Variants in TRIM28 observed in about 807,000 individuals in gnomAD.
The protein encoded by TRIM28 is tripartite motif containing 28.
Under a neutral mutation model 87.4 loss-of-function variants are expected in TRIM28, and 8 were observed. That is an observed-to-expected ratio of 0.09 (90% CI 0.05 to 0.17). The LOEUF is 0.17. TRIM28 is among the 10% of genes least tolerant of loss of function. The pLI, the probability that TRIM28 is intolerant of heterozygous loss-of-function variation, is 1.00. For missense variants in TRIM28, 968 were observed against 1,131.8 expected, an observed-to-expected ratio of 0.86 and a Z score of 2.08; for synonymous variants, 601 against 454.3, an observed-to-expected ratio of 1.32 and a Z score of -4.11.
rs184367010 is a variant in TRIM28, at chr19:58,548,848, C to T, written c.1361-14C>T. The T allele has an allele frequency of 3.7e-6, 6 of 1,614,082 alleles. No homozygotes were observed. The highest frequency in any genetic ancestry group is 1.3e-5 in the African/African-American group (1 of 75,024). ...CTACCCCAACCTGCCAGTCTTCTTT[C>T]TCCATTTTCTAAGGAGATGATCCCT... On this transcript the variant is annotated splice_polypyrimidine_tract_variant and intron_variant, in intron 10 of 16. Coordinates refer to ENST00000253024, the MANE Select transcript of TRIM28 (RefSeq NM_005762.3).
In TRIM28 at chr19:58,550,330, GGAAA is replaced by G. The variant is rs1568663585; in HGVS notation, c.2332-43_2332-40del. On this transcript the variant is annotated intron_variant, in intron 16 of 16. Transcript: ENST00000253024. The stretch of plus-strand genomic sequence containing the variant: ...GGCTGTGGGCAGGGGGAGATGTGAA[GGAAA>G]GAACTAGGACCCATTCATCCACTGC... 3.1e-6 allele frequency: 5 copies of G among 1,613,288 alleles called. No homozygotes were observed. The South Asian group carries it at 5.5e-5, about 18-fold the overall frequency.
chr19:58,545,285 T>G (rs752354430), intron 1 of TRIM28, 140 bp from the exon 2 acceptor site: 2 of 908,818 alleles, frequency 2.2e-6, no homozygotes, highest in Non-Finnish European at 3.4e-6. Flanking sequence ...CTGACTAAAG[T>G]TGGAGAAAAG....
At chr19:58,545,347 C>T in intron 1 of TRIM28, 78 bp from the exon 2 acceptor site, 1 of 1,209,826 alleles carries the variant, frequency 8.3e-7, no homozygotes, top group Non-Finnish European at 1.2e-6. Context: ...GGTCGGGGGC[C>T]CACCCAGCAG....
In TRIM28 at chr19:58,545,067, G is replaced by A; in HGVS notation, c.310G>A (p.Gly104Arg). ...GGCCCCCGCCGCCGCCAACAGCTCG[G>A]GGGACGGCGGGGCGGCGGGCGACGG... ...PAAPAAANSSGDGGAAGDGTV... is the reference protein window; with the variant it reads ...PAAPAAANSSRDGGAAGDGTV... Residue 104 changes from glycine (G) to arginine (R), a missense_variant, in exon 1 of 17, where the codon GGG (glycine) becomes AGG (arginine). Physicochemically the swap from Gly to Arg is moderately radical, Grantham distance 125. Transcript: ENST00000253024. The A allele has an allele frequency of 6.9e-7, 1 of 1,445,926 alleles. No individual in the cohort carries two copies. The highest frequency in any genetic ancestry group is 1.4e-5 in the South Asian group (1 of 70,626). The allele number at this position is 1,445,926 out of a possible 1,614,324, so 89.6% of individuals were successfully genotyped here.
rs763622570 is a variant in TRIM28 at position 58,550,023 on chromosome 19, C to T, written c.2181C>T (p.Ser727=). ...CCCTGCATCAGCTGGCTACCGACTC[C>T]ACCTTCTCCCTGGTGAGTCCTAGGA... is the stretch of plus-strand genomic sequence containing the variant. ...CRPLHQLATD[S]TFSLDQPGGT... is the part of the protein sequence containing the mutation. Residue 727 remains serine (S), a synonymous_variant, in exon 15 of 17, where the codon TCC becomes TCT. Transcript: ENST00000253024. 7.4e-6 allele frequency: 12 copies of T among 1,613,992 alleles called. No individual in the cohort carries two copies. Among genetic ancestry groups the T allele is most frequent in the Middle Eastern group, 1.6e-4 (1 of 6,084 alleles).
Position 58,547,437 on chromosome 19 carries a change from C to G in TRIM28, c.648C>G (p.Pro216=). The change falls in exon 4 of 17, where the codon CCC becomes CCG. Residue 216 remains proline (P), a synonymous_variant. Transcript: ENST00000253024. ...TVYCNVHKHE[P]LVLFCESCDT... ...ATTGCAACGTACACAAGCATGAACCCCTTGTGCTGTTTTGTGAGAGCTGTG... is the reference window on the plus strand; with the variant it reads ...ATTGCAACGTACACAAGCATGAACCGCTTGTGCTGTTTTGTGAGAGCTGTG... 6.2e-7 allele frequency: 1 copy of G among 1,614,044 alleles called. No homozygotes were observed. Among genetic ancestry groups the G allele is most frequent in the South Asian group, 1.1e-5 (1 of 91,078 alleles).
chr19:58,545,507 G>A lies in TRIM28; in HGVS notation c.423G>A (p.Lys141=). Reference sequence around the variant, plus strand: ...ATTTCATGCGTGATAGTGGCAGCAAGGCTGCCACCGACGCCCAGGATGCGA... The same window carrying A: ...ATTTCATGCGTGATAGTGGCAGCAAAGCTGCCACCGACGCCCAGGATGCGA... ...ENYFMRDSGS[K]AATDAQDANQ... The change falls in exon 2 of 17, where the codon AAG becomes AAA. Residue 141 remains lysine, a synonymous_variant. Coordinates refer to ENST00000253024, the MANE Select transcript of TRIM28 (RefSeq NM_005762.3). 6.2e-7 allele frequency: 1 copy of A among 1,611,208 alleles called. No individual in the cohort carries two copies. The highest frequency in any genetic ancestry group is 8.5e-7 in the Non-Finnish European group (1 of 1,178,594).
At chr19:58,548,010 A>T (rs1417180478) in intron 6 of TRIM28, 24 bp from the exon 7 acceptor site, 1 of 1,613,652 alleles carries the variant, frequency 6.2e-7, no homozygotes, top group Admixed American at 1.7e-5. Flanking sequence ...TTCTCTGCTT[A>T]CCTCATACAC....
Position 58,550,421 on chromosome 19 carries a change from C to T in TRIM28, c.2376C>T (p.Phe792=), listed in dbSNP as rs116364142. ...VQSIIGLQRF[F]ETRMNEAFGD... ...CCATCATCGGCCTGCAGCGCTTCTT[C>T]GAGACGCGCATGAACGAGGCCTTCG... The change falls in exon 17 of 17, where the codon TTC becomes TTT. Residue 792 remains phenylalanine, a synonymous_variant. Transcript: ENST00000253024. 3.0e-5 allele frequency: 49 copies of T among 1,613,952 alleles called. No individual in the cohort carries two copies. In the South Asian group the frequency reaches 3.5e-4, roughly 12 times the overall value.
chr19:58,550,297 A>G lies in TRIM28; in HGVS notation c.2331+13A>G, dbSNP rs906745936. The G allele has an allele frequency of 1.9e-6, 3 of 1,613,934 alleles. No individual in the cohort carries two copies. The African/African-American group carries it at 4.0e-5, about 22-fold the overall frequency. On this transcript the variant is annotated intron_variant, in intron 16 of 16. Coordinates refer to ENST00000253024, the MANE Select transcript of TRIM28 (RefSeq NM_005762.3). ...CAAGTTAACTGAGGTGAGCCAGTGG[A>G]ATGGAGAGGCTGTGGGCAGGGGGAG...
rs141340061 is a variant in TRIM28 at position 58,547,597 on chromosome 19, G to A, written c.723G>A (p.Gln241=). The change falls in exon 5 of 17, where the codon CAG becomes CAA. Residue 241 remains glutamine (Q), a splice_region_variant and synonymous_variant. Transcript: ENST00000253024. The part of the protein sequence containing the change: ...DCQLNAHKDH[Q]YQFLEDAVRN... ...CAGGAACACATCTGTCTGCTCTCAG[G>A]TACCAGTTCTTAGAGGATGCAGTGA... is the stretch of plus-strand genomic sequence containing the variant. 155 of 1,613,954 alleles carry A rather than the reference G, an allele frequency of 9.6e-5. No homozygotes were observed. In the African/African-American group the frequency reaches 1.7e-3, roughly 18 times the overall value.
chr19:58,549,019 C>T lies in TRIM28; in HGVS notation c.1441C>T (p.Leu481Phe). 1.2e-6 allele frequency: 2 copies of T among 1,614,084 alleles called. No homozygotes were observed. Among genetic ancestry groups the T allele is most frequent in the Non-Finnish European group, 1.7e-6 (2 of 1,179,996 alleles). The stretch of plus-strand genomic sequence containing the variant: ...CTCAGGTGAGGGCGAGGTGAGCGGC[C>T]TTATGCGCAAGGTGCCACGAGTGAG... ...SRSGEGEVSG[L>F]MRKVPRVSLE... Residue 481 changes from leucine (L) to phenylalanine (F), a missense_variant, in exon 12 of 17, where the codon CTT becomes TTT. By Grantham distance (22) the Leu-to-Phe change is conservative. Coordinates refer to ENST00000253024, the MANE Select transcript of TRIM28 (RefSeq NM_005762.3). This position sits in a 1 kb window ranked among gnomAD's most constrained non-coding sequence, Gnocchi z 4.4.
In TRIM28 at chr19:58,544,889, C is replaced by T; in HGVS notation, c.132C>T (p.Ala44=). 1 of 1,371,898 alleles carries T rather than the reference C, an allele frequency of 7.3e-7. No individual in the cohort carries two copies. The highest frequency in any genetic ancestry group is 9.3e-7 in the Non-Finnish European group (1 of 1,070,738). The allele number at this position is 1,371,898 out of a possible 1,614,324, so 85.0% of individuals were successfully genotyped here. A position where few individuals can be genotyped will look rare whatever the true frequency, so the allele number is the denominator to read the frequency against. Residue 44 remains alanine, a synonymous_variant, in exon 1 of 17, where the codon GCC becomes GCT. Transcript: ENST00000253024. ...CTTCGGCCGCAGCCTCGGCCTCTGC[C>T]TCAGCCGCGGCGTCGTCGCCCGCGG... ...TAPSAAASAS[A]SAAASSPAGG...
chr19:58,544,775 G>GGCAGCCTCGGCA lies in TRIM28; in HGVS notation c.24_35dup (p.Ser9_Ala12dup), dbSNP rs1298672984. 1.7e-6 allele frequency: 2 copies of GGCAGCCTCGGCA among 1,156,274 alleles called. No individual in the cohort carries two copies. The highest frequency in any genetic ancestry group is 2.1e-6 in the Non-Finnish European group (2 of 940,838). The allele number at this position is 1,156,274 out of a possible 1,614,324, so 71.6% of individuals were successfully genotyped here. Reference sequence around the variant, plus strand: ...GCGTGTGAATGGCGGCCTCCGCGGCGGCAGCCTCGGCAGCAGCGGCCTCGG... The same window carrying GGCAGCCTCGGCA: ...GCGTGTGAATGGCGGCCTCCGCGGCGGCAGCCTCGGCAGCAGCCTCGGCAGCAGCGGCCTCGG... On this transcript the variant is annotated inframe_insertion, in exon 1 of 17. Coordinates refer to ENST00000253024, the MANE Select transcript of TRIM28 (RefSeq NM_005762.3).
rs1282834806 is a variant in TRIM28, at chr19:58,544,955, C to G, written c.198C>G (p.Gly66=). Residue 66 remains glycine, a synonymous_variant, in exon 1 of 17, where the codon GGC becomes GGG. Transcript: ENST00000253024. ...CGCTGGAGCTGCTGGAGCACTGCGG[C>G]GTGTGCAGAGAGCGCCTGCGACCCG... ...AEALELLEHC[G]VCRERLRPER... 10 of 1,501,902 alleles carry G rather than the reference C, an allele frequency of 6.7e-6. No individual in the cohort carries two copies. The Admixed American group carries it at 9.2e-5, about 14-fold the overall frequency. 93.0% of individuals were successfully genotyped at this position (1,501,902 alleles called of 1,614,324 possible).
rs575792912 is a variant in TRIM28, at chr19:58,544,648, C to CGCGGCG, written c.-98_-93dup. 6.8e-5 allele frequency: 25 copies of CGCGGCG among 368,116 alleles called. No individual in the cohort carries two copies. Among genetic ancestry groups the CGCGGCG allele is most frequent in the Admixed American group, 2.0e-4 (3 of 14,992 alleles). 22.8% of individuals were successfully genotyped at this position (368,116 alleles called of 1,614,324 possible). ...GGAGGCGCGTGGCGGCGCTCGGCCT[C>CGCGGCG]GCGGCGGCGGCGGCGGCAGCGGCCC... On this transcript the variant is annotated 5_prime_UTR_variant, in exon 1 of 17. Coordinates refer to ENST00000253024, the MANE Select transcript of TRIM28 (RefSeq NM_005762.3).
chr19:58,545,998 C>G (rs1274540304), intron 3 of TRIM28, 102 bp downstream of exon 3: 3 of 1,404,922 alleles, frequency 2.1e-6, no homozygotes, highest in Non-Finnish European at 2.8e-6. Flanking sequence ...CTAGAGTTCT[C>G]TAGGGGGTGC....
Position 58,545,316 on chromosome 19 carries a change from G to A in TRIM28, c.341-109G>A, listed in dbSNP as rs142314945. 4.3e-4 allele frequency: 419 copies of A among 985,590 alleles called. 2 individuals carry two copies. In the African/African-American group the frequency reaches 5.7e-3, roughly 13 times the overall value. The allele number at this position is 985,590 out of a possible 1,614,324, so 61.1% of individuals were successfully genotyped here. On this transcript the variant is annotated intron_variant, in intron 1 of 16. Transcript: ENST00000253024. ...AAAAGAAGGCTCGGGGAGGGGAGGG[G>A]CTGGTTCGCTGCGGGATAATGGTCG...
rs775500054 is a variant in TRIM28, at chr19:58,549,733, C to T, written c.1983-4C>T. 10 of 1,606,306 alleles carry T rather than the reference C, an allele frequency of 6.2e-6. No homozygotes were observed. Among genetic ancestry groups the T allele is most frequent in the East Asian group, 2.2e-5 (1 of 44,752 alleles). ...TGTGCAGACCCTTATTTTCTTCACCCTAGGGAGGAGTGGAGCTGCTCACTC... is the reference window on the plus strand; with the variant it reads ...TGTGCAGACCCTTATTTTCTTCACCTTAGGGAGGAGTGGAGCTGCTCACTC... On this transcript the variant is annotated splice_polypyrimidine_tract_variant and splice_region_variant and intron_variant, in intron 13 of 16. Transcript: ENST00000253024. The surrounding 1 kb of genome is among the most constrained non-coding windows in gnomAD (Gnocchi z 4.4).
Sources: gnomAD v4.1 joint callset for allele counts on GRCh38, gnomAD v4.1.1 for gene constraint, Gnocchi (gnomAD v3.1) non-coding constraint, MANE v1.5 for transcripts, NCBI Gene and HGNC (gene_info 2026-07-23, HGNC 2026-07-21) for gene names.